TMEM260: variants seen among roughly 807,000 people sequenced by gnomAD.
TMEM260 encodes transmembrane protein 260.
Under a neutral mutation model 88.9 loss-of-function variants are expected in TMEM260, and 82 were observed. That is an observed-to-expected ratio of 0.92 (90% CI 0.77 to 1.11). The LOEUF is 1.11. Ranked by LOEUF, TMEM260 falls within the 50% of genes least tolerant of loss-of-function variation. The probability of loss-of-function intolerance (pLI) is 0.00; values close to 1 mark genes in which losing one functional copy is unlikely to be tolerated. For synonymous variants in TMEM260, 314 were observed against 309.3 expected (o/e 1.02, Z -0.16); for missense variants, 902 against 853.4 (o/e 1.06, Z -0.71).
chr14:56,657,809 C>T, the TMEM260 span, among the ~76,000 whole-genome samples: 1 of 152,186 alleles, frequency 6.6e-6, no homozygotes, highest in Non-Finnish European at 1.5e-5. Flanking sequence ...TCACTGGACC[C>T]ACAAACGGTC....
rs1215245762 is a variant in TMEM260 at position 56,647,468 on chromosome 14, C to T, written c.2095C>T (p.Gln699Ter). Residue 699 changes from glutamine (Q) to a stop codon, truncating the protein, a stop_gained, in exon 16 of 16, where the codon CAA becomes TAA. Transcript: ENST00000261556. LOFTEE classifies it high-confidence loss of function. ...TCTAAAGCACCTAAGAAAAGAACTG[C>T]AAAGTCTGAGAAATAGGAAAAATGT... Reference protein sequence around the residue: ...GALKHLRKELQSLRNRKNV With the variant: ...GALKHLRKEL 1 of 1,607,570 alleles carries T rather than the reference C, an allele frequency of 6.2e-7. No individual in the cohort carries two copies. The highest frequency in any genetic ancestry group is 8.5e-7 in the Non-Finnish European group (1 of 1,178,268).
intron 14 of TMEM260, among the ~76,000 whole-genome samples, chr14:56,636,011 C>G (rs995108705): frequency 6.6e-6 from 1 of 152,034 alleles, no homozygotes; most frequent in Non-Finnish European, 1.5e-5. Flanking sequence ...TGTGGGAAAG[C>G]GGGGAAGAAA....
chr14:56,624,946 T>C (rs1446434164), intron 11 of TMEM260, among the ~76,000 whole-genome samples: 2 of 152,198 alleles, frequency 1.3e-5, no homozygotes, highest in African/African-American at 4.8e-5. Flanking sequence ...AGGCATTAGA[T>C]TCTCTTAAGG....
chr14:56,606,913 A>C (rs1028718094), intron 5 of TMEM260, among the ~76,000 whole-genome samples: 2 of 152,134 alleles, frequency 1.3e-5, no homozygotes. Flanking sequence ...TAAATAAATA[A>C]ATAAATAATA....
At chr14:56,605,788 T>C in intron 5 of TMEM260, 105 bp downstream of exon 5, 1 of 683,126 alleles carries the variant, frequency 1.5e-6, no homozygotes, top group East Asian at 2.8e-5. Context: ...TTGGGTTTCA[T>C]GTAAAGCATA....
the TMEM260 span, among the ~76,000 whole-genome samples, chr14:56,659,160 T>G: frequency 6.6e-6 from 1 of 152,204 alleles, no homozygotes; most frequent in Non-Finnish European, 1.5e-5. Context: ...TGAGTGAAGT[T>G]GGATGAAGGG....
At chr14:56,618,843 T>C in intron 10 of TMEM260, 80 bp downstream of exon 10, 2 of 1,376,438 alleles carry the variant, frequency 1.5e-6, no homozygotes, top group Non-Finnish European at 2.0e-6. Context: ...CTTTATTTCA[T>C]TGTTAACTTC....
chr14:56,639,234 ACAGGGTAACTACAGCCAAC>A (rs6145354), intron 15 of TMEM260, among the ~76,000 whole-genome samples: 6,990 of 152,214 alleles, frequency 0.046, 298 homozygotes, highest in East Asian at 0.11. Flanking sequence ...TGATAGCACA[ACAGGGTAACTACAGCCAAC>A]CAGGGTAACT....
At position 56,605,680 on chromosome 14, in the gene TMEM260, G is replaced by A; in HGVS notation, c.633G>A (p.Lys211=). The A allele has an allele frequency of 6.5e-7, 1 of 1,536,252 alleles. No individual in the cohort carries two copies. The highest frequency in any genetic ancestry group is 8.8e-7 in the Non-Finnish European group (1 of 1,130,196). ...GGATTCTCTTTCAACTTTTAAAAAA[G>A]AAGGTACGTTTTTGAATTTTGTAAA... ...IPWILFQLLK[K]KELSLGSLLK... is the part of the protein sequence containing the mutation. The change falls in exon 5 of 16, where the codon AAG becomes AAA. Residue 211 remains lysine (K), a synonymous_variant. Transcript: ENST00000261556.
intron 1 of TMEM260, 51 bp from the exon 2 acceptor site, chr14:56,584,950 G>A: frequency 6.5e-7 from 1 of 1,532,176 alleles, no homozygotes; most frequent in Non-Finnish European, 9.0e-7. Flanking sequence ...AAACTTTGGA[G>A]GAGTGTCATT....
downstream of TMEM260, chr14:56,650,176 G>A (rs892738078): frequency 9.2e-6 from 4 of 435,170 alleles, no homozygotes; most frequent in East Asian, 7.1e-5. Flanking sequence ...TTTGGCCAGC[G>A]TTCTAGCAGT....
At chr14:56,579,790 G>C, upstream of TMEM260, 1 of 926,308 alleles carries the variant, frequency 1.1e-6, no homozygotes, top group Admixed American at 4.3e-5. Flanking sequence ...TCCAACCCGC[G>C]GAGGCTCGAC....
intron 11 of TMEM260, among the ~76,000 whole-genome samples, chr14:56,624,131 T>C (rs981284314): frequency 6.6e-6 from 1 of 152,234 alleles, no homozygotes; most frequent in Non-Finnish European, 1.5e-5. Context: ...GAGGCCTAGA[T>C]TATTACATGA....
Position 56,585,927 on chromosome 14 carries a change from T to A in TMEM260, c.344+15T>A, listed in dbSNP as rs777174890. ...ACCGTTTTCAGGTAAAGTAGTTGATTAGTTAAAATTAATTTTGAGCAGTTG... is the reference window on the plus strand; with the variant it reads ...ACCGTTTTCAGGTAAAGTAGTTGATAAGTTAAAATTAATTTTGAGCAGTTG... On this transcript the variant is annotated intron_variant, in intron 3 of 15. Coordinates refer to ENST00000261556, the MANE Select transcript of TMEM260 (RefSeq NM_017799.4). 2 of 1,609,152 alleles carry A rather than the reference T, an allele frequency of 1.2e-6. No individual in the cohort carries two copies. The highest frequency in any genetic ancestry group is 1.7e-6 in the Non-Finnish European group (2 of 1,178,186).
At chr14:56,610,967 C>CTTTTTT (rs61185871) in intron 6 of TMEM260, among the ~76,000 whole-genome samples, 3 of 118,018 alleles carry the variant, frequency 2.5e-5, no homozygotes, top group Non-Finnish European at 3.5e-5. Flanking sequence ...TTCTTTCTTT[C>CTTTTTT]TTTTTTTTTT....
At position 56,647,264 on chromosome 14, in the gene TMEM260, T is replaced by G; in HGVS notation, c.1891T>G (p.Leu631Val). Residue 631 changes from leucine (L) to valine (V), a missense_variant, in exon 16 of 16, where the codon TTA becomes GTA. Coordinates refer to ENST00000261556, the MANE Select transcript of TMEM260 (RefSeq NM_017799.4). ...CTAGCTTTATAAGGAGATTGTCTAT[T>G]TACAAAAGGAGCACCCAGTGAATTG... ...AYDLYKEIVY[L>V]QKEHPVNWHK... is the part of the protein sequence containing the mutation. 1 of 1,613,398 alleles carries G rather than the reference T, an allele frequency of 6.2e-7. No homozygotes were observed. Among genetic ancestry groups the G allele is most frequent in the East Asian group, 2.2e-5 (1 of 44,826 alleles).
At chr14:56,643,481 A>G (rs1435469171) in intron 15 of TMEM260, among the ~76,000 whole-genome samples, 1 of 152,154 alleles carries the variant, frequency 6.6e-6, no homozygotes, top group Admixed American at 6.5e-5. Flanking sequence ...AAAAACTCTC[A>G]ATAAATTAGG....
intron 14 of TMEM260, among the ~76,000 whole-genome samples, chr14:56,635,605 G>A (rs1001380941): frequency 1.3e-5 from 2 of 152,078 alleles, no homozygotes; most frequent in Admixed American, 1.3e-4. Flanking sequence ...TCATTGTTTT[G>A]TTTTTTAATC....
At chr14:56,627,065 T>A (rs1450784656) in intron 12 of TMEM260, among the ~76,000 whole-genome samples, 1 of 152,144 alleles carries the variant, frequency 6.6e-6, no homozygotes, top group Non-Finnish European at 1.5e-5. Context: ...ATAAGACGCA[T>A]AATAATTTAA....
Sources: gnomAD v4.1 joint callset for allele counts (sites outside exome capture counted in the v4.1 genomes callset) on GRCh38, gnomAD v4.1.1 for gene constraint, MANE v1.5 for transcripts, NCBI Gene and HGNC (gene_info 2026-07-23, HGNC 2026-07-21) for gene names.